CNTN5: variants seen among roughly 807,000 people sequenced by gnomAD.
CNTN5 encodes the protein contactin 5, also known as contactin-5.
CNTN5 carries 77 observed loss-of-function variants against 129.1 expected under a neutral mutation model. The observed-to-expected ratio is 0.60, with a 90% confidence interval of 0.50 to 0.72. CNTN5 has a LOEUF of 0.72. Ranked by LOEUF, CNTN5 falls within the 30% of genes least tolerant of loss-of-function variation. The pLI is 0.00. For missense variants in CNTN5, 1,478 were observed against 1,328.8 expected (o/e 1.11, Z -1.75); for synonymous variants, 509 against 465.6 (o/e 1.09, Z -1.20).
chr11:100,037,841 A>T (rs1259900990), intron 9 of CNTN5, among the ~76,000 whole-genome samples: 1 of 151,676 alleles, frequency 6.6e-6, no homozygotes, highest in Non-Finnish European at 1.5e-5. Flanking sequence ...TTATTGCATC[A>T]ATTTGATTCT....
At chr11:100,252,331 T>A (rs903308731) in intron 16 of CNTN5, among the ~76,000 whole-genome samples, 1 of 152,158 alleles carries the variant, frequency 6.6e-6, no homozygotes, top group Non-Finnish European at 1.5e-5. Flanking sequence ...TTCACGTGAA[T>A]AGTCTGCAAA....
chr11:99,123,134 A>G (rs772085978), intron 1 of CNTN5, among the ~76,000 whole-genome samples: 1 of 152,102 alleles, frequency 6.6e-6, no homozygotes, highest in Non-Finnish European at 1.5e-5. Context: ...GCTTTCTACA[A>G]TGGCTGAAAT....
chr11:100,163,832 ATC>A (rs1947534944), intron 13 of CNTN5, among the ~76,000 whole-genome samples: 1 of 151,918 alleles, frequency 6.6e-6, no homozygotes, highest in African/African-American at 2.4e-5. Context: ...AACAATCAAA[ATC>A]ATTGCTGTTA....
At chr11:99,304,271 T>C (rs1864775485) in intron 1 of CNTN5, among the ~76,000 whole-genome samples, 1 of 152,190 alleles carries the variant, frequency 6.6e-6, no homozygotes, top group South Asian at 2.1e-4. Context: ...TTTCCAAACC[T>C]ACTTTACCTT....
intron 1 of CNTN5, among the ~76,000 whole-genome samples, chr11:99,176,698 C>T (rs1857791099): frequency 2.0e-5 from 3 of 152,124 alleles, no homozygotes; most frequent in African/African-American, 4.8e-5. Context: ...AATCATTTCC[C>T]ACCACCTCCA....
At chr11:100,167,109 G>A (rs944740500) in intron 13 of CNTN5, among the ~76,000 whole-genome samples, 3 of 151,558 alleles carry the variant, frequency 2.0e-5, no homozygotes, top group African/African-American at 7.3e-5. Flanking sequence ...CTTTTAAAGT[G>A]GCATTTCCTG....
At chr11:99,822,293 C>T (rs979138356) in intron 4 of CNTN5, among the ~76,000 whole-genome samples, 2 of 151,824 alleles carry the variant, frequency 1.3e-5, no homozygotes, top group Non-Finnish European at 2.9e-5. Flanking sequence ...CATACAAGTA[C>T]GAGGAAATAA....
chr11:99,608,093 A>T (rs1238572601), intron 3 of CNTN5, among the ~76,000 whole-genome samples: 1 of 70,464 alleles, frequency 1.4e-5, no homozygotes, highest in Non-Finnish European at 2.9e-5. Context: ...TAAAACTTAG[A>T]GTATAATAAA....
intron 3 of CNTN5, among the ~76,000 whole-genome samples, chr11:99,795,579 C>G (rs1424485635): frequency 7.4e-6 from 1 of 135,656 alleles, no homozygotes; most frequent in Non-Finnish European, 1.5e-5. Flanking sequence ...AAGCTGTTAT[C>G]CTTTAGATCT....
chr11:100,029,417 C>T (rs1941591038), intron 9 of CNTN5, among the ~76,000 whole-genome samples: 1 of 151,630 alleles, frequency 6.6e-6, no homozygotes, highest in Non-Finnish European at 1.5e-5. Context: ...CCCATCTCTA[C>T]TAAAAATACA....
intron 2 of CNTN5, among the ~76,000 whole-genome samples, chr11:99,487,679 A>T (rs947710400): frequency 6.6e-6 from 1 of 152,226 alleles, no homozygotes; most frequent in Admixed American, 6.5e-5. Context: ...CATTCTTCAC[A>T]TAAACAAAAC....
intron 13 of CNTN5, among the ~76,000 whole-genome samples, chr11:100,110,898 T>C (rs1945635904): frequency 6.6e-6 from 1 of 152,130 alleles, no homozygotes; most frequent in South Asian, 2.1e-4. Context: ...TATTATCTTT[T>C]GGCATTTATG....
chr11:99,427,775 A>G (rs1943194293), intron 2 of CNTN5, among the ~76,000 whole-genome samples: 1 of 150,858 alleles, frequency 6.6e-6, no homozygotes, highest in East Asian at 1.9e-4. Flanking sequence ...CAAAAAAAAA[A>G]AAAAAAAAAA....
intron 13 of CNTN5, among the ~76,000 whole-genome samples, chr11:100,185,122 ACT>A (rs930640603): frequency 6.6e-6 from 1 of 152,090 alleles, no homozygotes; most frequent in African/African-American, 2.4e-5. Flanking sequence ...AAACCTCTTT[ACT>A]TCATAAATTA....
At chr11:100,095,922 C>T (rs1003052515) in intron 13 of CNTN5, among the ~76,000 whole-genome samples, 1 of 152,002 alleles carries the variant, frequency 6.6e-6, no homozygotes, top group Non-Finnish European at 1.5e-5. Flanking sequence ...GTGTTTTAAA[C>T]ATCTGTCAAA....
intron 7 of CNTN5, among the ~76,000 whole-genome samples, chr11:99,938,698 A>C (rs2136103705): frequency 6.6e-6 from 1 of 152,218 alleles, no homozygotes; most frequent in South Asian, 2.1e-4. Context: ...CAATTTAGTA[A>C]ATGCTTGCTT....
At chr11:99,462,358 TTC>T (rs1434871451) in intron 2 of CNTN5, among the ~76,000 whole-genome samples, 1 of 84,450 alleles carries the variant, frequency 1.2e-5, no homozygotes, top group South Asian at 4.6e-4. Flanking sequence ...TTCTTTTCTT[TTC>T]TTTTTTTTTT....
intron 7 of CNTN5, among the ~76,000 whole-genome samples, chr11:99,948,835 A>C (rs1398878601): frequency 6.6e-6 from 1 of 152,218 alleles, no homozygotes; most frequent in East Asian, 1.9e-4. Context: ...AGCAGCTGCT[A>C]TGAAGATTGG....
At chr11:99,499,129 A>G (rs977206988) in intron 2 of CNTN5, among the ~76,000 whole-genome samples, 6 of 152,188 alleles carry the variant, frequency 3.9e-5, no homozygotes, top group African/African-American at 1.4e-4. Flanking sequence ...AAATTTTGTC[A>G]CTGCTACTTT....
Sources: allele counts gnomAD v4.1 joint callset (sites outside exome capture counted in the v4.1 genomes callset), GRCh38; gene constraint gnomAD v4.1.1; transcripts MANE v1.5; gene names NCBI Gene and HGNC (gene_info 2026-07-23, HGNC 2026-07-21).